Variants in MACROD2 observed in about 807,000 individuals in gnomAD.
MACROD2 encodes the protein mono-ADP ribosylhydrolase 2.
A neutral mutation model predicts 70.4 loss-of-function variants in MACROD2; 36 were observed. The ratio of observed to expected loss-of-function variants is 0.51; its 90% confidence interval spans 0.39 to 0.68. The LOEUF is 0.68. Ranked by LOEUF, MACROD2 falls within the 30% of genes least tolerant of loss-of-function variation. MACROD2 has a pLI of 0.00. For synonymous variants in MACROD2, 172 were observed against 178.8 expected (o/e 0.96, Z 0.30); for missense variants, 496 against 538.4 (o/e 0.92, Z 0.78).
intron 8 of MACROD2, among the ~76,000 whole-genome samples, chr20:15,539,411 A>G (rs2047923725): frequency 6.6e-6 from 1 of 152,220 alleles, no homozygotes; most frequent in Admixed American, 6.5e-5. Flanking sequence ...TTAATATCAC[A>G]TGAAACGGGC....
At chr20:14,464,909 A>G (rs1347935459) in intron 3 of MACROD2, among the ~76,000 whole-genome samples, 7 of 152,062 alleles carry the variant, frequency 4.6e-5, no homozygotes, top group Non-Finnish European at 1.0e-4. Context: ...ACAGTTTGTT[A>G]TAATTTCTAT....
At chr20:15,804,920 C>T (rs1170587971) in intron 8 of MACROD2, among the ~76,000 whole-genome samples, 1 of 152,188 alleles carries the variant, frequency 6.6e-6, no homozygotes, top group Non-Finnish European at 1.5e-5. Context: ...CCTCAGCTCC[C>T]CTGACCAGCA....
At chr20:15,291,157 T>C (rs904506083) in intron 6 of MACROD2, among the ~76,000 whole-genome samples, 1 of 152,214 alleles carries the variant, frequency 6.6e-6, no homozygotes, top group African/African-American at 2.4e-5. Flanking sequence ...GCTAGCCTTT[T>C]CACTTCCATT....
intron 3 of MACROD2, among the ~76,000 whole-genome samples, chr20:14,173,795 C>T (rs1446000340): frequency 6.6e-6 from 1 of 152,142 alleles, no homozygotes; most frequent in Non-Finnish European, 1.5e-5. Flanking sequence ...TCAGATTCTG[C>T]TGTCCCACAG....
chr20:14,516,836 A>C (rs1052167483), intron 4 of MACROD2, among the ~76,000 whole-genome samples: 1 of 152,178 alleles, frequency 6.6e-6, no homozygotes, highest in Non-Finnish European at 1.5e-5. Flanking sequence ...AACTTAAATA[A>C]ATTTACAAGA....
chr20:14,046,277 G>C lies in MACROD2; in HGVS notation c.164-39344G>C, dbSNP rs572876058. On this transcript the variant is annotated intron_variant, in intron 2 of 17. Transcript: ENST00000684519. ...AACAATGAATGGTAGAGATCATAGA[G>C]CTAGGTTTTCAAATGCTAAGAAAAA... Among the ~76,000 whole-genome samples the C allele has an allele frequency of 5.3e-5, 8 of 152,302 alleles. No homozygotes were observed. In the East Asian group the frequency reaches 1.4e-3, roughly 26 times the overall value.
intron 5 of MACROD2, among the ~76,000 whole-genome samples, chr20:14,805,232 T>G (rs76149224): frequency 3.0e-4 from 46 of 152,210 alleles, no homozygotes; most frequent in African/African-American, 1.1e-3. Context: ...TAAGGAAAAG[T>G]TAAGACGTTT....
intron 8 of MACROD2, among the ~76,000 whole-genome samples, chr20:15,782,555 C>A (rs146628671): frequency 1.3e-5 from 2 of 151,802 alleles, no homozygotes; most frequent in African/African-American, 4.8e-5. Flanking sequence ...CAGCTGGGTT[C>A]TAAGAGAGAG....
chr20:15,775,709 G>T (rs557326607), intron 8 of MACROD2, among the ~76,000 whole-genome samples: 1 of 152,092 alleles, frequency 6.6e-6, no homozygotes, highest in African/African-American at 2.4e-5. Flanking sequence ...TTTTCGGGGC[G>T]AGGGGAAGGT....
intron 2 of MACROD2, among the ~76,000 whole-genome samples, chr20:14,063,077 T>G (rs2053708188): frequency 6.6e-6 from 1 of 152,204 alleles, no homozygotes. Context: ...ATCAGAGATG[T>G]GTTCCAAGAT....
chr20:15,082,775 C>A (rs989042165), intron 5 of MACROD2, among the ~76,000 whole-genome samples: 2 of 151,898 alleles, frequency 1.3e-5, no homozygotes, highest in Non-Finnish European at 2.9e-5. Context: ...TGTGACATTT[C>A]TTTTCTGTTC....
At chr20:14,581,680 TTA>T (rs1326541980) in intron 4 of MACROD2, among the ~76,000 whole-genome samples, 5 of 152,196 alleles carry the variant, frequency 3.3e-5, no homozygotes, top group Non-Finnish European at 2.9e-5. Flanking sequence ...AATATGAGCA[TTA>T]GACATCTTTT....
At chr20:15,367,545 C>T (rs1476421504) in intron 6 of MACROD2, among the ~76,000 whole-genome samples, 1 of 152,016 alleles carries the variant, frequency 6.6e-6, no homozygotes, top group Non-Finnish European at 1.5e-5. Flanking sequence ...CACAGCAAGC[C>T]CAAAGAGCTG....
At chr20:15,630,528 G>A (rs2049272909) in intron 8 of MACROD2, among the ~76,000 whole-genome samples, 1 of 152,168 alleles carries the variant, frequency 6.6e-6, no homozygotes, top group African/African-American at 2.4e-5. Context: ...TCTCTAATAT[G>A]TCTTTGTATT....
At chr20:15,978,590 CTCTCTCTCTCTCTCT>C (rs2066347018) in intron 13 of MACROD2, among the ~76,000 whole-genome samples, 1 of 146,284 alleles carries the variant, frequency 6.8e-6, no homozygotes, top group African/African-American at 2.5e-5. Flanking sequence ...GGGTCTCTCT[CTCTCTCTCTCTCTCT>C]CTCTCTCTCT....
chr20:15,201,704 A>T (rs552201268), intron 5 of MACROD2, among the ~76,000 whole-genome samples: 3 of 152,274 alleles, frequency 2.0e-5, no homozygotes, highest in Admixed American at 2.0e-4. Flanking sequence ...CCCCTTACCT[A>T]AGCACTTCTA....
intron 5 of MACROD2, among the ~76,000 whole-genome samples, chr20:15,068,986 G>A (rs1201716774): frequency 1.3e-5 from 2 of 152,128 alleles, no homozygotes; most frequent in African/African-American, 2.4e-5. Context: ...TGACCAAAAT[G>A]CCAATAGAAA....
At chr20:15,772,129 T>TATATA (rs2051645940) in intron 8 of MACROD2, among the ~76,000 whole-genome samples, 1 of 144,144 alleles carries the variant, frequency 6.9e-6, no homozygotes, top group African/African-American at 2.5e-5. Flanking sequence ...TATATATATA[T>TATATA]TTCTTTTGTA....
intron 2 of MACROD2, among the ~76,000 whole-genome samples, chr20:14,059,395 A>T (rs2053667269): frequency 6.6e-6 from 1 of 152,232 alleles, no homozygotes; most frequent in Non-Finnish European, 1.5e-5. Context: ...AGTGAAAAAG[A>T]CAAGACCCCT....
Sources: allele counts gnomAD v4.1 joint callset (sites outside exome capture counted in the v4.1 genomes callset), GRCh38; gene constraint gnomAD v4.1.1; transcripts MANE v1.5; gene names NCBI Gene and HGNC (gene_info 2026-07-23, HGNC 2026-07-21).